SLX4IP: variants seen among roughly 807,000 people sequenced by gnomAD.
The protein encoded by SLX4IP is protein SLX4IP.
A neutral mutation model predicts 32.9 loss-of-function variants in SLX4IP; 34 were observed. That is an observed-to-expected ratio of 1.03 (90% CI 0.79 to 1.38). The LOEUF (loss-of-function observed/expected upper bound fraction) is 1.38, where lower values mean the gene tolerates loss of function less well. SLX4IP is among the 40% of genes most tolerant of loss of function. The pLI, the probability that SLX4IP is intolerant of heterozygous loss-of-function variation, is 0.00. For synonymous variants in SLX4IP, 172 were observed against 171.7 expected, an observed-to-expected ratio of 1.00 and a Z score of -0.01; for missense variants, 444 against 479.0, an observed-to-expected ratio of 0.93 and a Z score of 0.68.
At chr20:10,550,854 T>G (rs2066211408) in intron 2 of SLX4IP, among the ~76,000 whole-genome samples, 1 of 152,198 alleles carries the variant, frequency 6.6e-6, no homozygotes, top group Admixed American at 6.5e-5. Flanking sequence ...CTCACCTTCC[T>G]CAGGCAGAGC....
intron 4 of SLX4IP, among the ~76,000 whole-genome samples, chr20:10,562,200 C>A (rs1023392483): frequency 6.6e-6 from 1 of 152,214 alleles, no homozygotes; most frequent in South Asian, 2.1e-4. Flanking sequence ...AGAGGGCTTT[C>A]TGTATCCCGG....
At chr20:10,587,139 A>G (rs2066655198) in intron 4 of SLX4IP, among the ~76,000 whole-genome samples, 1 of 152,202 alleles carries the variant, frequency 6.6e-6, no homozygotes, top group South Asian at 2.1e-4. Flanking sequence ...CAGAAATCCT[A>G]AACTAAATAT....
At chr20:10,500,616 G>A (rs1170520196) in intron 2 of SLX4IP, among the ~76,000 whole-genome samples, 1 of 152,090 alleles carries the variant, frequency 6.6e-6, no homozygotes, top group African/African-American at 2.4e-5. Flanking sequence ...ACCATGCGTG[G>A]TGGTGCACAC....
intron 1 of SLX4IP, among the ~76,000 whole-genome samples, chr20:10,449,532 A>G (rs1568685778): frequency 6.6e-6 from 1 of 152,214 alleles, no homozygotes; most frequent in Non-Finnish European, 1.5e-5. Context: ...GGACCTGACA[A>G]GACTCTATCT....
Position 10,513,097 on chromosome 20 carries a change from G to A in SLX4IP, c.28-43134G>A, listed in dbSNP as rs372803363. Among the ~76,000 whole-genome samples the A allele has an allele frequency of 3.0e-4, 46 of 152,138 alleles. No individual in the cohort carries two copies. In the East Asian group the frequency reaches 8.1e-3, roughly 27 times the overall value. On this transcript the variant is annotated intron_variant, in intron 2 of 7. Coordinates refer to ENST00000334534, the MANE Select transcript of SLX4IP (RefSeq NM_001009608.3). ...CCAGGAAGAGGTCCTGGCAGTGAAGGAAAACTCAAGGAGGGAAAACGAAGA... is the reference window on the plus strand; with the variant it reads ...CCAGGAAGAGGTCCTGGCAGTGAAGAAAAACTCAAGGAGGGAAAACGAAGA...
At chr20:10,543,249 C>A (rs1216264917) in intron 2 of SLX4IP, among the ~76,000 whole-genome samples, 1 of 152,176 alleles carries the variant, frequency 6.6e-6, no homozygotes, top group African/African-American at 2.4e-5. Context: ...ATGACTCCAA[C>A]GTTTTTGACC....
intron 4 of SLX4IP, among the ~76,000 whole-genome samples, chr20:10,590,504 G>C (rs1277255965): frequency 6.6e-6 from 1 of 151,456 alleles, no homozygotes; most frequent in Non-Finnish European, 1.5e-5. Context: ...GGGATTACAG[G>C]CGCACACTGC....
intron 2 of SLX4IP, among the ~76,000 whole-genome samples, chr20:10,552,603 A>C (rs1054403881): frequency 1.3e-4 from 20 of 152,100 alleles, no homozygotes; most frequent in African/African-American, 4.8e-4. Context: ...CAGAAACCCC[A>C]GGAAAGTCTG....
At chr20:10,527,753 T>G (rs1274334782) in intron 2 of SLX4IP, among the ~76,000 whole-genome samples, 1 of 152,236 alleles carries the variant, frequency 6.6e-6, no homozygotes, top group South Asian at 2.1e-4. Flanking sequence ...CCATGGTTTC[T>G]TCACAGTGCA....
intron 4 of SLX4IP, among the ~76,000 whole-genome samples, chr20:10,577,514 A>G (rs1330477290): frequency 1.3e-5 from 2 of 152,156 alleles, no homozygotes; most frequent in Non-Finnish European, 2.9e-5. Flanking sequence ...CCAGAAGTTC[A>G]AGATCTACCT....
At chr20:10,483,211 CT>C (rs1170869193) in intron 2 of SLX4IP, among the ~76,000 whole-genome samples, 1 of 152,190 alleles carries the variant, frequency 6.6e-6, no homozygotes, top group Admixed American at 6.5e-5. Context: ...CCCCAGCCCC[CT>C]GGGTTCAAAC....
chr20:10,443,917 C>T (rs899920338), intron 1 of SLX4IP, among the ~76,000 whole-genome samples: 3 of 152,148 alleles, frequency 2.0e-5, no homozygotes, highest in Non-Finnish European at 4.4e-5. Context: ...TGCCTTCCAC[C>T]ATGATTGTAA....
At chr20:10,611,986 C>T (rs2066972480) in intron 6 of SLX4IP, among the ~76,000 whole-genome samples, 1 of 152,174 alleles carries the variant, frequency 6.6e-6, no homozygotes, top group Non-Finnish European at 1.5e-5. Flanking sequence ...CTCATTTCTG[C>T]CCCTGACTAC....
At chr20:10,445,558 G>A (rs1176427348) in intron 1 of SLX4IP, among the ~76,000 whole-genome samples, 11 of 148,554 alleles carry the variant, frequency 7.4e-5, no homozygotes, top group East Asian at 2.0e-4. Context: ...CTCATGATCC[G>A]CCCGCCTCAG....
At position 10,599,557 on chromosome 20, in the gene SLX4IP, C is replaced by CT. The variant is rs541553428; in HGVS notation, c.316+818dup. Among the ~76,000 whole-genome samples, 1,274 of 140,630 alleles carry CT rather than the reference C, an allele frequency of 9.1e-3. 10 individuals are homozygous for CT. Among genetic ancestry groups the CT allele is most frequent in the East Asian group, 0.029 (143 of 4,870 alleles). 92.3% of individuals were successfully genotyped at this position (140,630 alleles called of 152,430 possible). On this transcript the variant is annotated intron_variant, in intron 5 of 7. Coordinates refer to ENST00000334534, the MANE Select transcript of SLX4IP (RefSeq NM_001009608.3). ...CACAGGTGTGTGCCACCATGCCTGG[C>CT]TTTTTTTTTTTTTGTAATTTTTGGT...
At chr20:10,517,288 G>A (rs1168126894) in intron 2 of SLX4IP, among the ~76,000 whole-genome samples, 2 of 152,138 alleles carry the variant, frequency 1.3e-5, no homozygotes, top group African/African-American at 4.8e-5. Flanking sequence ...CTGCCCCTCA[G>A]TCTGGCTTGA....
At chr20:10,549,464 A>T (rs2122489130) in intron 2 of SLX4IP, among the ~76,000 whole-genome samples, 1 of 152,306 alleles carries the variant, frequency 6.6e-6, no homozygotes, top group South Asian at 2.1e-4. Flanking sequence ...ACTAAGGCGT[A>T]GGCTGTTTTA....
intron 4 of SLX4IP, among the ~76,000 whole-genome samples, chr20:10,584,256 A>G (rs1043517313): frequency 1.3e-5 from 2 of 152,198 alleles, no homozygotes; most frequent in African/African-American, 2.4e-5. Flanking sequence ...TTGAGCTAAT[A>G]TGCATTGCCT....
chr20:10,540,815 C>G (rs990745266), intron 2 of SLX4IP, among the ~76,000 whole-genome samples: 2 of 152,200 alleles, frequency 1.3e-5, no homozygotes, highest in Non-Finnish European at 2.9e-5. Context: ...GGAAGAAAAA[C>G]TCGGCTCTCA....
Sources: gnomAD v4.1 joint callset for allele counts (sites outside exome capture counted in the v4.1 genomes callset) on GRCh38, gnomAD v4.1.1 for gene constraint, MANE v1.5 for transcripts, NCBI Gene and HGNC (gene_info 2026-07-23, HGNC 2026-07-21) for gene names.